L3MBTL4: variants seen among roughly 807,000 people sequenced by gnomAD.
L3MBTL4 encodes the protein lethal(3)malignant brain tumor-like protein 4.
A neutral mutation model predicts 84.5 loss-of-function variants in L3MBTL4; 70 were observed. The observed-to-expected ratio is 0.83, with a 90% CI of 0.68 to 1.01. The LOEUF is 1.01. Among genes scored for constraint, L3MBTL4 ranks in the 50% least tolerant of loss-of-function variants. L3MBTL4 has a pLI of 0.00. For missense variants in L3MBTL4, 715 were observed against 754.8 expected, an observed-to-expected ratio of 0.95 and a Z score of 0.62; for synonymous variants, 274 against 259.8, an observed-to-expected ratio of 1.05 and a Z score of -0.52.
chr18:6,175,975 G>T (rs1227308535), intron 12 of L3MBTL4, among the ~76,000 whole-genome samples: 3 of 151,902 alleles, frequency 2.0e-5, no homozygotes, highest in African/African-American at 7.2e-5. Flanking sequence ...CATTAAAAAT[G>T]AAGAACTTAG....
intron 14 of L3MBTL4, among the ~76,000 whole-genome samples, chr18:6,095,355 T>TTTTGTTTG (rs2058600761): frequency 8.1e-5 from 12 of 147,836 alleles, no homozygotes; most frequent in African/African-American, 3.1e-4. Flanking sequence ...GGTTTTTTTT[T>TTTTGTTTG]TTTTTTTTTT....
At chr18:6,148,935 ATTTTT>A (rs1479474943) in intron 13 of L3MBTL4, among the ~76,000 whole-genome samples, 1 of 152,032 alleles carries the variant, frequency 6.6e-6, no homozygotes, top group Non-Finnish European at 1.5e-5. Flanking sequence ...TTTTTTCATT[ATTTTT>A]AAGAAATAAA....
intron 5 of L3MBTL4, among the ~76,000 whole-genome samples, chr18:6,263,730 A>T (rs1406738976): frequency 6.6e-6 from 1 of 152,200 alleles, no homozygotes; most frequent in East Asian, 1.9e-4. Context: ...ACTGAACTGA[A>T]TGACTTGCCC....
At chr18:5,964,510 CT>C (rs140729651) in intron 17 of L3MBTL4, among the ~76,000 whole-genome samples, 90 of 149,552 alleles carry the variant, frequency 6.0e-4, no homozygotes, top group African/African-American at 1.8e-3. Flanking sequence ...GTTTATTTGC[CT>C]TTTTTTTTTC....
chr18:6,107,369 G>A (rs2059044996), intron 14 of L3MBTL4, among the ~76,000 whole-genome samples: 1 of 152,122 alleles, frequency 6.6e-6, no homozygotes, highest in Non-Finnish European at 1.5e-5. Context: ...CACAGATTCA[G>A]TTGGCTCTCG....
At chr18:6,224,410 G>A (rs561756228) in intron 10 of L3MBTL4, among the ~76,000 whole-genome samples, 6 of 152,330 alleles carry the variant, frequency 3.9e-5, no homozygotes, top group Admixed American at 2.0e-4. Context: ...ACAGACACTG[G>A]TCTTAAAGTC....
chr18:6,283,713 G>A (rs2049426304), intron 4 of L3MBTL4, among the ~76,000 whole-genome samples: 1 of 152,060 alleles, frequency 6.6e-6, no homozygotes, highest in African/African-American at 2.4e-5. Flanking sequence ...CAATTTTATG[G>A]GGTAAGATAT....
intron 1 of L3MBTL4, among the ~76,000 whole-genome samples, chr18:6,362,530 G>C (rs1346954742): frequency 6.6e-6 from 1 of 152,030 alleles, no homozygotes; most frequent in East Asian, 1.9e-4. Flanking sequence ...TATGTAATCT[G>C]GTATTCTACC....
At chr18:6,357,139 G>A (rs180732) in intron 1 of L3MBTL4, among the ~76,000 whole-genome samples, 58,171 of 152,112 alleles carry the variant, frequency 0.38, 12,413 homozygotes, top group Middle Eastern at 0.59. Flanking sequence ...ATCTTATCAA[G>A]TTAGCTCCCA....
intron 4 of L3MBTL4, among the ~76,000 whole-genome samples, chr18:6,274,717 G>A (rs983626446): frequency 8.5e-5 from 13 of 152,066 alleles, no homozygotes; most frequent in Admixed American, 3.9e-4. Context: ...TAGGGATCAC[G>A]GTATAGAATA....
intron 13 of L3MBTL4, among the ~76,000 whole-genome samples, chr18:6,149,618 C>T (rs535303300): frequency 4.6e-5 from 7 of 152,088 alleles, no homozygotes; most frequent in African/African-American, 9.7e-5. Flanking sequence ...CCTGAGGAAT[C>T]GCCACACTGA....
intron 14 of L3MBTL4, among the ~76,000 whole-genome samples, chr18:6,133,527 T>G (rs2059939022): frequency 6.6e-6 from 1 of 152,062 alleles, no homozygotes; most frequent in Non-Finnish European, 1.5e-5. Context: ...CCCTCATCTT[T>G]CCTTTTTCCT....
chr18:6,329,240 G>A (rs1034546762), intron 1 of L3MBTL4, among the ~76,000 whole-genome samples: 5 of 143,810 alleles, frequency 3.5e-5, no homozygotes, highest in African/African-American at 7.7e-5. Flanking sequence ...TGCAAGCTCC[G>A]CCTCCTGGGT....
chr18:6,396,203 A>G (rs2055261723), intron 1 of L3MBTL4: 1 of 152,260 alleles, frequency 6.6e-6, no homozygotes, highest in Admixed American at 6.5e-5. Flanking sequence ...AGATTAAATC[A>G]TTCTTTTAAT....
At chr18:5,984,580 G>GGA (rs1257883559) in intron 16 of L3MBTL4, among the ~76,000 whole-genome samples, 8 of 152,256 alleles carry the variant, frequency 5.3e-5, no homozygotes, top group South Asian at 2.1e-4. Flanking sequence ...TTTTGGGGGG[G>GGA]AAGCTTTTTA....
At chr18:6,410,146 C>T (rs2055905441) in intron 1 of L3MBTL4, among the ~76,000 whole-genome samples, 1 of 152,226 alleles carries the variant, frequency 6.6e-6, no homozygotes, top group Non-Finnish European at 1.5e-5. Context: ...CCACCCAGGC[C>T]CTGCCCTCCT....
intron 16 of L3MBTL4, among the ~76,000 whole-genome samples, chr18:6,050,872 T>A: frequency 6.6e-6 from 1 of 152,168 alleles, no homozygotes; most frequent in East Asian, 1.9e-4. Flanking sequence ...CTGTTCTTAA[T>A]GTGCTACATA....
At chr18:6,084,867 A>T (rs73938724) in intron 15 of L3MBTL4, among the ~76,000 whole-genome samples, 7,468 of 152,266 alleles carry the variant, frequency 0.049, 624 homozygotes, top group African/African-American at 0.17. Flanking sequence ...CACAGGAAAC[A>T]CAGAGAGGGC....
chr18:6,169,116 A>G (rs1212316788), intron 13 of L3MBTL4, among the ~76,000 whole-genome samples: 1 of 152,244 alleles, frequency 6.6e-6, no homozygotes, highest in Non-Finnish European at 1.5e-5. Flanking sequence ...ATGCAAATCA[A>G]AACCACAATG....
Sources: gnomAD v4.1 joint callset for allele counts (sites outside exome capture counted in the v4.1 genomes callset) on GRCh38, gnomAD v4.1.1 for gene constraint, MANE v1.5 for transcripts, NCBI Gene and HGNC (gene_info 2026-07-23, HGNC 2026-07-21) for gene names.